Variants in CABIN1 observed in about 807,000 individuals in gnomAD.
The protein encoded by CABIN1 is calcineurin binding protein 1.
CABIN1 carries 133 observed loss-of-function variants against 227.7 expected under a neutral mutation model. The ratio of observed to expected loss-of-function variants is 0.58; its 90% CI spans 0.51 to 0.67. The LOEUF is 0.67. Ranked by LOEUF, CABIN1 falls within the 30% of genes least tolerant of loss-of-function variation. The pLI is 0.00. For missense variants in CABIN1, 2,408 were observed against 2,852.5 expected, an observed-to-expected ratio of 0.84 and a Z score of 3.55; for synonymous variants, 1,086 against 1,155.1, an observed-to-expected ratio of 0.94 and a Z score of 1.21.
At chr22:24,162,267 A>G (rs964600528) in intron 29 of CABIN1, 2 of 152,306 alleles carry the variant, frequency 1.3e-5, no homozygotes, top group Admixed American at 6.5e-5. Context: ...GGTTATTCCT[A>G]AAGGCTCTCA....
intron 29 of CABIN1, among the ~76,000 whole-genome samples, chr22:24,136,522 G>A (rs369831580): frequency 6.5e-5 from 5 of 77,378 alleles, no homozygotes; most frequent in Non-Finnish European, 1.2e-4. Context: ...GCTAATTTTT[G>A]TATTTTTTTT....
At chr22:24,120,604 C>T (rs1412384156) in intron 28 of CABIN1, among the ~76,000 whole-genome samples, 1 of 152,008 alleles carries the variant, frequency 6.6e-6, no homozygotes, top group Non-Finnish European at 1.5e-5. Context: ...GGGGGATCAC[C>T]TGAGGTCAGG....
In CABIN1 at chr22:24,083,283, A is replaced by G. The variant is rs2040934502; in HGVS notation, c.2804A>G (p.Tyr935Cys). 6 of 1,613,478 alleles carry G rather than the reference A, an allele frequency of 3.7e-6. No homozygotes were observed. The highest frequency in any genetic ancestry group is 4.2e-6 in the Non-Finnish European group (5 of 1,180,014). ...TCCACCTCTGAAGACACGCACCCTT[A>G]CAAGGAGGAGCTGGAGACAGCCTTG... ...AASTSEDTHP[Y>C]KEELETALEQ... Residue 935 changes from tyrosine (Y) to cysteine (C), a missense_variant, in exon 20 of 37, where the codon TAC (tyrosine) becomes TGC (cysteine). Physicochemically the swap from Tyr to Cys is radical, Grantham distance 194 (BLOSUM62 -2). This residue lies in a region of CABIN1 where 1,045 missense variants were observed against 1,168.4 expected (regional missense o/e 0.89). Coordinates refer to ENST00000263119, the MANE Select transcript of CABIN1 (RefSeq NM_012295.4).
intron 7 of CABIN1, among the ~76,000 whole-genome samples, chr22:24,050,464 G>A (rs1211813911): frequency 1.3e-5 from 2 of 152,178 alleles, no homozygotes; most frequent in Admixed American, 1.3e-4. Flanking sequence ...CTTTTTGTTG[G>A]CATGGGCAGT....
chr22:24,072,637 T>C (rs752574085), intron 18 of CABIN1, 127 bp downstream of exon 18: 2 of 1,152,684 alleles, frequency 1.7e-6, no homozygotes, highest in Non-Finnish European at 2.5e-6. Context: ...AATCCCAGGA[T>C]TTTGCATGCG....
chr22:24,089,169 C>G (rs977877031), intron 23 of CABIN1, among the ~76,000 whole-genome samples: 5 of 152,312 alleles, frequency 3.3e-5, no homozygotes, highest in East Asian at 3.9e-4. Context: ...TGAGATTTGG[C>G]AGAGTGGGAG....
At chr22:24,070,729 T>C in intron 16 of CABIN1, 71 bp from the exon 17 acceptor site, 29 of 1,610,790 alleles carry the variant, frequency 1.8e-5, no homozygotes, top group Non-Finnish European at 2.5e-5. Context: ...CCTTCAGTTG[T>C]CTCTGCTCAG....
At chr22:24,056,477 C>T in intron 10 of CABIN1, 117 bp downstream of exon 10, 1 of 1,057,172 alleles carries the variant, frequency 9.5e-7, no homozygotes. Flanking sequence ...TCTGTGTTCC[C>T]ATAACATCTG....
Position 24,070,850 on chromosome 22 carries a change from T to C in CABIN1, c.2283T>C (p.Asp761=), listed in dbSNP as rs1227947597. ...ATCGGCAGTGTTTTGAGTGTTCCGATGTGGCTCTGAACGAGGCTGTCCAGC... is the reference window on the plus strand; with the variant it reads ...ATCGGCAGTGTTTTGAGTGTTCCGACGTGGCTCTGAACGAGGCTGTCCAGC... ...KDYRQCFECS[D]VALNEAVQQM... is the part of the protein sequence containing the mutation. The change falls in exon 17 of 37, where the codon GAT becomes GAC. Residue 761 remains aspartate, a synonymous_variant. Coordinates refer to ENST00000263119, the MANE Select transcript of CABIN1 (RefSeq NM_012295.4). 6.2e-7 allele frequency: 1 copy of C among 1,614,130 alleles called. No homozygotes were observed. Among genetic ancestry groups the C allele is most frequent in the Non-Finnish European group, 8.5e-7 (1 of 1,180,046 alleles).
intron 29 of CABIN1, among the ~76,000 whole-genome samples, chr22:24,142,912 C>T (rs2097439200): frequency 6.6e-6 from 1 of 152,166 alleles, no homozygotes; most frequent in African/African-American, 2.4e-5. Context: ...ACCTTCTCCC[C>T]TCTCAGGACC....
Position 24,070,913 on chromosome 22 carries a change from G to T in CABIN1, c.2346G>T (p.Glu782Asp). ...CAGGTGAGGCTGCCGCCAAGGAGGA[G>T]TGGGTGGCCACAGTGACCCAACTGC... ...VNSGEAAAKE[E>D]WVATVTQLLM... is the part of the protein sequence containing the mutation. The change falls in exon 17 of 37, where the codon GAG (glutamate) becomes GAT (aspartate). Residue 782 changes from glutamate to aspartate, a missense_variant. Glu to Asp is a conservative substitution (Grantham distance 45). Transcript: ENST00000263119. 6.2e-7 allele frequency: 1 copy of T among 1,614,264 alleles called. No individual in the cohort carries two copies. Among genetic ancestry groups the T allele is most frequent in the Non-Finnish European group, 8.5e-7 (1 of 1,180,048 alleles).
At chr22:24,176,441 A>G (rs1235196978) in intron 35 of CABIN1, among the ~76,000 whole-genome samples, 166 bp downstream of exon 35, 1 of 152,198 alleles carries the variant, frequency 6.6e-6, no homozygotes, top group Non-Finnish European at 1.5e-5. Context: ...AGGGGAGCCA[A>G]GGGAGAGGCC....
At chr22:24,126,858 G>A (rs373593344) in intron 28 of CABIN1, among the ~76,000 whole-genome samples, 7 of 152,266 alleles carry the variant, frequency 4.6e-5, no homozygotes, top group African/African-American at 1.7e-4. Flanking sequence ...ACTTAGCCTG[G>A]TGTGGTGGTG....
intron 28 of CABIN1, among the ~76,000 whole-genome samples, chr22:24,128,300 GC>G (rs2043860600): frequency 7.2e-6 from 1 of 139,374 alleles, no homozygotes; most frequent in African/African-American, 2.6e-5. Flanking sequence ...GATTCTCGGG[GC>G]GGGGGGAGGG....
chr22:24,083,195 C>T, intron 19 of CABIN1, 33 bp from the exon 20 acceptor site: 3 of 1,610,330 alleles, frequency 1.9e-6, no homozygotes, highest in Non-Finnish European at 2.5e-6. Context: ...GCTACAGGCC[C>T]TCACCTCAGG....
At chr22:24,015,270 CAAAAA>C (rs1199906542) in intron 1 of CABIN1, among the ~76,000 whole-genome samples, 3 of 50,688 alleles carry the variant, frequency 5.9e-5, no homozygotes, top group African/African-American at 8.0e-5. Context: ...AATCCATCTC[CAAAAA>C]AAAAAAAAAA....
Position 24,166,754 on chromosome 22 carries a change from A to T in CABIN1, c.5123A>T (p.Lys1708Met). Residue 1708 changes from lysine to methionine, a missense_variant, in exon 32 of 37, where the codon AAG becomes ATG. Transcript: ENST00000263119. Reference sequence around the variant, plus strand: ...CAGGAGGGCCTCCCCCAGCCGAAGAAGCCCCCTCTGGCTGATGGCTCAGGG... The same window carrying T: ...CAGGAGGGCCTCCCCCAGCCGAAGATGCCCCCTCTGGCTGATGGCTCAGGG... ...DGQEGLPQPK[K>M]PPLADGSGPG... The T allele has an allele frequency of 1.2e-6, 2 of 1,612,816 alleles. No homozygotes were observed. Among genetic ancestry groups the T allele is most frequent in the Non-Finnish European group, 1.7e-6 (2 of 1,179,958 alleles).
intron 29 of CABIN1, among the ~76,000 whole-genome samples, chr22:24,146,455 G>A (rs553363065): frequency 6.6e-6 from 1 of 152,288 alleles, no homozygotes; most frequent in Admixed American, 6.5e-5. Context: ...TCTGAAGGCC[G>A]CCCTGTCTGG....
At chr22:24,075,334 A>G (rs1042428000) in intron 18 of CABIN1, among the ~76,000 whole-genome samples, 25 of 152,260 alleles carry the variant, frequency 1.6e-4, no homozygotes, top group Admixed American at 1.6e-3. Context: ...CCAGAGTTTC[A>G]AAAATACTAA....
Sources: allele counts gnomAD v4.1 joint callset (sites outside exome capture counted in the v4.1 genomes callset), GRCh38; gene constraint gnomAD v4.1.1; regional missense constraint gnomAD v4.1.1; transcripts MANE v1.5; gene names NCBI Gene and HGNC (gene_info 2026-07-23, HGNC 2026-07-21).